The following COL13A1 variants were observed in gnomAD, a reference collection of about 807,000 sequenced individuals.
COL13A1 encodes collagen type XIII alpha 1 chain, also known as collagen alpha-1(XIII) chain.
COL13A1 carries 89 observed loss-of-function variants against 130.9 expected under a neutral mutation model. That is an observed-to-expected ratio of 0.68 (90% CI 0.57 to 0.81). The LOEUF (loss-of-function observed/expected upper bound fraction) is 0.81, where lower values mean the gene tolerates loss of function less well. Among genes scored for constraint, COL13A1 ranks in the 30% least tolerant of loss-of-function variants. COL13A1 has a pLI of 0.00. For synonymous variants in COL13A1, 402 were observed against 341.6 expected, an observed-to-expected ratio of 1.18 and a Z score of -1.95; for missense variants, 879 against 934.6, an observed-to-expected ratio of 0.94 and a Z score of 0.78.
At chr10:69,912,667 A>T (rs564628113) in intron 17 of COL13A1, among the ~76,000 whole-genome samples, 19 of 151,842 alleles carry the variant, frequency 1.3e-4, no homozygotes, top group African/African-American at 4.3e-4. Flanking sequence ...TCCAACCCAG[A>T]CCTGGCTGCA....
chr10:69,946,369 T>C (rs1431049140), intron 37 of COL13A1, among the ~76,000 whole-genome samples: 1 of 152,212 alleles, frequency 6.6e-6, no homozygotes, highest in African/African-American at 2.4e-5. Context: ...ACCCCTGTGA[T>C]AGGAGAGGCT....
At chr10:69,896,390 G>GA (rs1335022646) in intron 13 of COL13A1, among the ~76,000 whole-genome samples, 2 of 152,062 alleles carry the variant, frequency 1.3e-5, no homozygotes, top group African/African-American at 4.8e-5. Context: ...GCTGGACCCA[G>GA]AAAAAAATGC....
intron 39 of COL13A1, chr10:69,955,375 G>C (rs1434820126): frequency 6.6e-6 from 1 of 152,546 alleles, no homozygotes; most frequent in Non-Finnish European, 1.5e-5. Context: ...TGGGAATGCC[G>C]CTCTGGCCCG....
At chr10:69,939,950 A>G (rs1373991807) in intron 34 of COL13A1, among the ~76,000 whole-genome samples, 3 of 152,152 alleles carry the variant, frequency 2.0e-5, no homozygotes, top group African/African-American at 7.2e-5. Context: ...CTTCCTTTTC[A>G]TTTGAAATTC....
chr10:69,891,858 G>A (rs761066838), intron 10 of COL13A1, among the ~76,000 whole-genome samples: 2 of 152,190 alleles, frequency 1.3e-5, no homozygotes, highest in African/African-American at 4.8e-5. Context: ...GAGTGGCTAA[G>A]TACATTGCCT....
chr10:69,874,543 G>A (rs1176529816), intron 4 of COL13A1, among the ~76,000 whole-genome samples: 1 of 152,220 alleles, frequency 6.6e-6, no homozygotes, highest in Admixed American at 6.5e-5. Flanking sequence ...TCGTGATTCG[G>A]CTGAATCCAC....
intron 2 of COL13A1, among the ~76,000 whole-genome samples, chr10:69,843,939 C>T (rs1589393537): frequency 6.6e-6 from 1 of 152,334 alleles, no homozygotes; most frequent in South Asian, 2.1e-4. Flanking sequence ...TTATCATATG[C>T]TGTGGGCAGG....
intron 36 of COL13A1, among the ~76,000 whole-genome samples, chr10:69,944,446 A>G (rs189241215): frequency 3.3e-5 from 5 of 152,274 alleles, no homozygotes; most frequent in African/African-American, 1.2e-4. Flanking sequence ...ACTTGAGCTC[A>G]GGAGTCTGAG....
chr10:69,894,410 G>T, intron 10 of COL13A1, 142 bp from the exon 11 acceptor site: 1 of 913,740 alleles, frequency 1.1e-6, no homozygotes. Context: ...AAGACATCTT[G>T]AATGTGGTGG....
At chr10:69,905,843 C>T (rs2062697494) in intron 17 of COL13A1, 21 bp downstream of exon 17, 1 of 1,612,916 alleles carries the variant, frequency 6.2e-7, no homozygotes, top group Admixed American at 1.7e-5. Context: ...GGGGGAGGAC[C>T]CAAGTGGGGC....
intron 1 of COL13A1, among the ~76,000 whole-genome samples, chr10:69,808,463 C>T (rs1417702082): frequency 6.6e-6 from 1 of 152,114 alleles, no homozygotes; most frequent in African/African-American, 2.4e-5. Context: ...TTATCCCAAA[C>T]GGTAGCAGAT....
At chr10:69,827,841 A>G (rs1414502449) in intron 2 of COL13A1, among the ~76,000 whole-genome samples, 3 of 152,172 alleles carry the variant, frequency 2.0e-5, no homozygotes, top group African/African-American at 7.2e-5. Flanking sequence ...CAGGACCTGT[A>G]GCCAGAGCTT....
At chr10:69,942,708 G>A (rs1460127722) in intron 35 of COL13A1, among the ~76,000 whole-genome samples, 1 of 152,234 alleles carries the variant, frequency 6.6e-6, no homozygotes, top group Admixed American at 6.5e-5. Context: ...CGGTCAAGGA[G>A]GCAGACACAC....
intron 2 of COL13A1, among the ~76,000 whole-genome samples, chr10:69,862,434 A>T (rs1295281769): frequency 2.0e-5 from 3 of 151,994 alleles, no homozygotes; most frequent in African/African-American, 7.3e-5. Flanking sequence ...TTCCCTAGAA[A>T]CTCAGGGTTT....
At chr10:69,863,369 C>A (rs553848212) in intron 2 of COL13A1, among the ~76,000 whole-genome samples, 15 of 152,280 alleles carry the variant, frequency 9.9e-5, no homozygotes, top group African/African-American at 3.1e-4. Flanking sequence ...GAGGGGAGCC[C>A]GTGATGCACA....
intron 13 of COL13A1, among the ~76,000 whole-genome samples, chr10:69,895,990 G>C (rs1378379017): frequency 6.6e-6 from 1 of 152,130 alleles, no homozygotes; most frequent in Non-Finnish European, 1.5e-5. Flanking sequence ...GTGGCGGTAG[G>C]GGGGTGGTGT....
chr10:69,810,605 A>G (rs867087002), intron 1 of COL13A1, among the ~76,000 whole-genome samples: 14 of 152,246 alleles, frequency 9.2e-5, no homozygotes, highest in African/African-American at 3.4e-4. Flanking sequence ...TTTGCCCTCC[A>G]GGAAGCCTCA....
At chr10:69,845,610 C>T (rs12358449) in intron 2 of COL13A1, among the ~76,000 whole-genome samples, 13,360 of 152,232 alleles carry the variant, frequency 0.088, 738 homozygotes, top group Middle Eastern at 0.2. Flanking sequence ...CAGCCCCTCC[C>T]CAATGGGAAC....
At chr10:69,804,879 G>A (rs1419231020) in intron 1 of COL13A1, among the ~76,000 whole-genome samples, 4 of 147,218 alleles carry the variant, frequency 2.7e-5, no homozygotes, top group Non-Finnish European at 5.9e-5. Context: ...CCTGGGGAAT[G>A]CATTACATGC....
Sources: allele counts gnomAD v4.1 joint callset (sites outside exome capture counted in the v4.1 genomes callset), GRCh38; gene constraint gnomAD v4.1.1; transcripts MANE v1.5; gene names NCBI Gene and HGNC (gene_info 2026-07-23, HGNC 2026-07-21).